Variants in PWWP2B observed in about 807,000 individuals in gnomAD.
PWWP2B encodes PWWP domain-containing protein 2B.
A neutral mutation model predicts 15.5 loss-of-function variants in PWWP2B; 9 were observed. The ratio of observed to expected loss-of-function variants is 0.58; its 90% CI spans 0.35 to 1.02. PWWP2B has a LOEUF of 1.02. Among genes scored for constraint, PWWP2B ranks in the 50% least tolerant of loss-of-function variants. The pLI is 0.02. For missense variants in PWWP2B, 864 were observed against 865.3 expected, an observed-to-expected ratio of 1.00 and a Z score of 0.02; for synonymous variants, 474 against 403.6, an observed-to-expected ratio of 1.17 and a Z score of -2.09.
At position 132,405,922 on chromosome 10, in the gene PWWP2B, A is replaced by G; in HGVS notation, c.1422A>G (p.Thr474=). ...CGCCCCTGACGGTCAGGCTGCACAC[A>G]CAGAGCGTGTCGGAGTGCATCACGG... ...TVPPLTVRLH[T]QSVSECITED... Residue 474 remains threonine, a synonymous_variant, in exon 2 of 3, where the codon ACA becomes ACG. Coordinates refer to ENST00000305233, the MANE Select transcript of PWWP2B (RefSeq NM_138499.4). 1.2e-6 allele frequency: 2 copies of G among 1,612,988 alleles called. No individual in the cohort carries two copies. Among genetic ancestry groups the G allele is most frequent in the Non-Finnish European group, 1.7e-6 (2 of 1,179,880 alleles).
rs781456970 is a variant in PWWP2B, at chr10:132,404,964, T to C, written c.464T>C (p.Leu155Pro). The C allele has an allele frequency of 9.4e-6, 15 of 1,588,420 alleles. No individual in the cohort carries two copies. The highest frequency in any genetic ancestry group is 1.3e-5 in the Non-Finnish European group (15 of 1,174,734). The change falls in exon 2 of 3, where the codon CTG becomes CCG. Residue 155 changes from leucine (L) to proline (P), a missense_variant. Coordinates refer to ENST00000305233, the MANE Select transcript of PWWP2B (RefSeq NM_138499.4). ...PRTIKRTRRR[L>P]SRNRDPGRLI... ...ACCATCAAGCGCACGCGGCGGCGTCTGTCCCGCAACCGCGACCCGGGGCGC... is the reference window on the plus strand; with the variant it reads ...ACCATCAAGCGCACGCGGCGGCGTCCGTCCCGCAACCGCGACCCGGGGCGC...
chr10:132,406,279 T>C lies in PWWP2B; in HGVS notation c.*6T>C, dbSNP rs2069697507. 6.2e-7 allele frequency: 1 copy of C among 1,603,778 alleles called. No individual in the cohort carries two copies. The highest frequency in any genetic ancestry group is 1.7e-5 in the Admixed American group (1 of 59,586). On this transcript the variant is annotated 3_prime_UTR_variant, in exon 2 of 3. Transcript: ENST00000305233. ...TAACCCAGTTTGAAACGTAACTGGT[T>C]CCCTGACCAGGTGAGTGTGCCAGCG...
chr10:132,404,577 GATGTGC>G, intron 1 of PWWP2B, 43 bp from the exon 2 acceptor site: 1 of 1,526,590 alleles, frequency 6.6e-7, no homozygotes, highest in Non-Finnish European at 9.0e-7. Context: ...GCGGGTGGCA[GATGTGC>G]CAGGGTCCCT....
At chr10:132,416,984 C>T (rs968366973) in intron 2 of PWWP2B, 77 bp from the exon 3 acceptor site, 2 of 1,540,754 alleles carry the variant, frequency 1.3e-6, no homozygotes, top group African/African-American at 2.7e-5. Flanking sequence ...CCCTGACCTG[C>T]TGCTCAGACC....
chr10:132,398,470 G>C (rs573769939), intron 1 of PWWP2B, among the ~76,000 whole-genome samples: 1 of 152,334 alleles, frequency 6.6e-6, no homozygotes, highest in East Asian at 1.9e-4. Context: ...TTCCTCTGGC[G>C]GGCAGGGTTG....
chr10:132,414,611 G>A (rs1206465778), intron 2 of PWWP2B, among the ~76,000 whole-genome samples: 2 of 152,182 alleles, frequency 1.3e-5, no homozygotes, highest in Admixed American at 6.5e-5. Flanking sequence ...TCCGGGGTCG[G>A]CCTCTACCTC....
chr10:132,415,250 A>G (rs1463709065), intron 2 of PWWP2B, among the ~76,000 whole-genome samples: 2 of 150,740 alleles, frequency 1.3e-5, no homozygotes, highest in East Asian at 1.9e-4. Flanking sequence ...ACATCCACTC[A>G]CACACACACC....
At chr10:132,412,165 G>A (rs1003475994) in intron 2 of PWWP2B, among the ~76,000 whole-genome samples, 1 of 152,234 alleles carries the variant, frequency 6.6e-6, no homozygotes, top group South Asian at 2.1e-4. Flanking sequence ...TGCTTCTCAG[G>A]GGGTCAGATG....
chr10:132,415,449 A>G (rs556521283), intron 2 of PWWP2B, among the ~76,000 whole-genome samples: 3 of 148,918 alleles, frequency 2.0e-5, no homozygotes, highest in African/African-American at 7.5e-5. Context: ...TCACACTCAC[A>G]TCCACTCACA....
chr10:132,413,380 G>C (rs1354707372), intron 2 of PWWP2B, among the ~76,000 whole-genome samples: 2 of 152,172 alleles, frequency 1.3e-5, no homozygotes, highest in African/African-American at 4.8e-5. Flanking sequence ...CACCAAGGAG[G>C]GTGCCCGCGG....
In PWWP2B at chr10:132,404,911, G is replaced by A; in HGVS notation, c.411G>A (p.Lys137=). The change falls in exon 2 of 3, where the codon AAG becomes AAA. Residue 137 remains lysine, a synonymous_variant. Transcript: ENST00000305233. ...PHPLWLRDTY[K]LWVPQPPPRT... ...CGCTGTGGCTCCGGGACACGTACAA[G>A]CTGTGGGTGCCCCAGCCGCCGCCCA... 1 of 1,595,358 alleles carries A rather than the reference G, an allele frequency of 6.3e-7. No homozygotes were observed. Among genetic ancestry groups the A allele is most frequent in the Admixed American group, 1.7e-5 (1 of 59,870 alleles).
intron 2 of PWWP2B, 27 bp from the exon 3 acceptor site, chr10:132,417,034 C>A: frequency 6.2e-7 from 1 of 1,613,492 alleles, no homozygotes; most frequent in South Asian, 1.1e-5. Flanking sequence ...TGAGTTAAAT[C>A]TCTGCCCCTT....
rs866631084 is a variant in PWWP2B at position 132,411,546 on chromosome 10, C to T, written c.*16+5257C>T. 2.8e-4 allele frequency among the ~76,000 whole-genome samples: 42 copies of T among 152,354 alleles called. 1 individual carries two copies. Among genetic ancestry groups the T allele is most frequent in the African/African-American group, 8.7e-4 (36 of 41,594 alleles). On this transcript the variant is annotated intron_variant, in intron 2 of 2. Coordinates refer to ENST00000305233, the MANE Select transcript of PWWP2B (RefSeq NM_138499.4). ...GGAGATGGGCTTCAGCCCAGGGGCC[C>T]GTGGGGCAAGGGAGGGACCCACTGC... is the stretch of plus-strand genomic sequence containing the variant.
At chr10:132,401,426 C>A (rs2069614840) in intron 1 of PWWP2B, among the ~76,000 whole-genome samples, 1 of 147,508 alleles carries the variant, frequency 6.8e-6, no homozygotes, top group South Asian at 2.1e-4. Flanking sequence ...ACATGTCCTT[C>A]CCTTCCCCAC....
chr10:132,406,391 G>A (rs563982352), intron 2 of PWWP2B, 102 bp downstream of exon 2: 170 of 1,035,476 alleles, frequency 1.6e-4, no homozygotes, highest in African/African-American at 1.3e-3. Context: ...GGGAGCCGCC[G>A]CCTGTGCCCC....
At chr10:132,415,291 CAT>C (rs768624126) in intron 2 of PWWP2B, among the ~76,000 whole-genome samples, 9 of 150,766 alleles carry the variant, frequency 6.0e-5, no homozygotes, top group Admixed American at 3.3e-4. Flanking sequence ...CTCTCACACA[CAT>C]ATCCACTCAC....
At chr10:132,402,344 A>G (rs1339634208) in intron 1 of PWWP2B, among the ~76,000 whole-genome samples, 1 of 152,256 alleles carries the variant, frequency 6.6e-6, no homozygotes, top group Non-Finnish European at 1.5e-5. Flanking sequence ...GTCCTCTGGC[A>G]GGGATGCTTC....
chr10:132,406,015 G>A lies in PWWP2B; in HGVS notation c.1515G>A (p.Pro505=), dbSNP rs762175356. 17 of 1,613,644 alleles carry A rather than the reference G, an allele frequency of 1.1e-5. No homozygotes were observed. The highest frequency in any genetic ancestry group is 2.7e-5 in the African/African-American group (2 of 74,948). ...AGATCCATGGTTTTCCTTGGTGGCC[G>A]GCGCGTGTTCTTGACATCAGTCTCG... ...WGKIHGFPWW[P]ARVLDISLGQ... is the part of the protein sequence containing the mutation. The change falls in exon 2 of 3, where the codon CCG becomes CCA. Residue 505 remains proline, a synonymous_variant. Transcript: ENST00000305233.
At chr10:132,402,240 C>G (rs1487553488) in intron 1 of PWWP2B, among the ~76,000 whole-genome samples, 1 of 152,246 alleles carries the variant, frequency 6.6e-6, no homozygotes, top group East Asian at 1.9e-4. Flanking sequence ...AGGGTCCTGG[C>G]ACCTTCAGCC....
Sources: gnomAD v4.1 joint callset for allele counts (sites outside exome capture counted in the v4.1 genomes callset) on GRCh38, gnomAD v4.1.1 for gene constraint, MANE v1.5 for transcripts, NCBI Gene and HGNC (gene_info 2026-07-23, HGNC 2026-07-21) for gene names.